The following RORB variants were observed in gnomAD, a reference collection of about 807,000 sequenced individuals.
RORB encodes the protein RAR related orphan receptor B.
RORB carries 6 observed loss-of-function variants against 59.1 expected under a neutral mutation model. The ratio of observed to expected loss-of-function variants is 0.10; its 90% CI spans 0.06 to 0.20. The LOEUF (loss-of-function observed/expected upper bound fraction) is 0.20. RORB is among the 10% of genes least tolerant of loss of function. The pLI is 1.00. For synonymous variants in RORB, 215 were observed against 204.5 expected, an observed-to-expected ratio of 1.05 and a Z score of -0.44; for missense variants, 320 against 560.5, an observed-to-expected ratio of 0.57 and a Z score of 4.33.
At chr9:74,649,041 G>A (rs1823949055) in intron 4 of RORB, among the ~76,000 whole-genome samples, 1 of 150,814 alleles carries the variant, frequency 6.6e-6, no homozygotes, top group African/African-American at 2.4e-5. Flanking sequence ...TTGGCTCACT[G>A]CAACCTCCAC....
chr9:74,521,275 T>C (rs1006224875), intron 1 of RORB, among the ~76,000 whole-genome samples: 3 of 151,888 alleles, frequency 2.0e-5, no homozygotes, highest in African/African-American at 7.2e-5. Context: ...CACATGTATA[T>C]TGAATCCCTT....
intron 1 of RORB, among the ~76,000 whole-genome samples, chr9:74,543,472 G>T (rs1027846986): frequency 2.6e-5 from 4 of 152,220 alleles, no homozygotes; most frequent in African/African-American, 9.6e-5. Context: ...ACAAAGATTT[G>T]TTGAGCCCAT....
chr9:74,565,579 T>A (rs759366029), intron 1 of RORB, among the ~76,000 whole-genome samples: 9 of 152,184 alleles, frequency 5.9e-5, no homozygotes, highest in Non-Finnish European at 1.2e-4. Context: ...GACCCCTAAG[T>A]AGTTAAATTT....
intron 8 of RORB, among the ~76,000 whole-genome samples, chr9:74,668,542 C>T (rs756360128): frequency 6.6e-6 from 1 of 152,154 alleles, no homozygotes; most frequent in East Asian, 1.9e-4. Context: ...CCGGAAGCCT[C>T]GCTGATCACA....
intron 1 of RORB, among the ~76,000 whole-genome samples, chr9:74,568,592 C>T (rs1000557040): frequency 1.3e-5 from 2 of 150,034 alleles, no homozygotes; most frequent in African/African-American, 4.9e-5. Flanking sequence ...CCCAGCTACT[C>T]GGGAGGCTGA....
intron 1 of RORB, among the ~76,000 whole-genome samples, chr9:74,622,519 A>ATTTTTTTTTTTT (rs33946613): frequency 1.3e-5 from 1 of 74,142 alleles, no homozygotes; most frequent in Non-Finnish European, 2.3e-5. Flanking sequence ...TACAACCCAG[A>ATTTTTTTTTTTT]TTTTTTTTTT....
chr9:74,556,722 C>G (rs934385671), intron 1 of RORB, among the ~76,000 whole-genome samples: 1 of 152,094 alleles, frequency 6.6e-6, no homozygotes, highest in Non-Finnish European at 1.5e-5. Flanking sequence ...AAAGTATTTA[C>G]CTATATGCTG....
chr9:74,656,221 G>T (rs1824077134), intron 4 of RORB, among the ~76,000 whole-genome samples: 1 of 152,024 alleles, frequency 6.6e-6, no homozygotes. Flanking sequence ...CGTTGGTTGA[G>T]CACCTACTAT....
At chr9:74,606,626 T>C (rs991861038) in intron 1 of RORB, among the ~76,000 whole-genome samples, 1 of 152,202 alleles carries the variant, frequency 6.6e-6, no homozygotes, top group Non-Finnish European at 1.5e-5. Context: ...AGTAATTTAC[T>C]ATAGTTGGTT....
At chr9:74,609,431 G>A (rs1292043260) in intron 1 of RORB, among the ~76,000 whole-genome samples, 10 of 152,098 alleles carry the variant, frequency 6.6e-5, no homozygotes, top group Admixed American at 6.6e-4. Context: ...TTAATGAATG[G>A]ACACAAAATT....
At chr9:74,610,502 T>C (rs1823218357) in intron 1 of RORB, among the ~76,000 whole-genome samples, 2 of 152,224 alleles carry the variant, frequency 1.3e-5, no homozygotes, top group South Asian at 2.1e-4. Context: ...AGGAATTATC[T>C]CACTTTAAAT....
intron 6 of RORB, 100 bp downstream of exon 6, chr9:74,662,706 C>G (rs772447135): frequency 1.6e-6 from 2 of 1,253,364 alleles, no homozygotes; most frequent in Admixed American, 1.8e-5. Context: ...ATATGCAGCT[C>G]GTTTCTACCA....
At chr9:74,679,295 G>A (rs1824502212) in intron 9 of RORB, among the ~76,000 whole-genome samples, 1 of 152,058 alleles carries the variant, frequency 6.6e-6, no homozygotes, top group Non-Finnish European at 1.5e-5. Flanking sequence ...CTTTTTAAAA[G>A]TATAACATAC....
chr9:74,627,881 A>G (rs1473116766), intron 1 of RORB, among the ~76,000 whole-genome samples: 2 of 152,184 alleles, frequency 1.3e-5, no homozygotes, highest in East Asian at 1.9e-4. Context: ...TAAAGGAATA[A>G]TAATGTGGCT....
intron 9 of RORB, among the ~76,000 whole-genome samples, chr9:74,674,222 G>C (rs1182317302): frequency 6.6e-6 from 1 of 152,092 alleles, no homozygotes; most frequent in East Asian, 1.9e-4. Flanking sequence ...TTGCAGAAAG[G>C]CTCCTTATGC....
intron 4 of RORB, among the ~76,000 whole-genome samples, chr9:74,652,935 A>G (rs1249236576): frequency 2.0e-5 from 3 of 152,230 alleles, no homozygotes; most frequent in African/African-American, 7.2e-5. Context: ...TTTAAGCTTA[A>G]ATATATCAAT....
chr9:74,504,620 GA>G (rs1001932970), intron 1 of RORB, among the ~76,000 whole-genome samples: 3 of 152,016 alleles, frequency 2.0e-5, no homozygotes, highest in African/African-American at 7.2e-5. Flanking sequence ...ATTTTTGTGT[GA>G]TTAGTTATGA....
rs371455319 is a variant in RORB at position 74,670,438 on chromosome 9, A to G, written c.1112-1351A>G. ...AATGATCTATGAAAATGATCACCTC[A>G]GAAGAAAAGCTAGCCTCTTCCTTCT... On this transcript the variant is annotated intron_variant, in intron 8 of 9. Coordinates refer to ENST00000376896, the MANE Select transcript of RORB (RefSeq NM_006914.4). Among the ~76,000 whole-genome samples the G allele has an allele frequency of 1.4e-4, 21 of 152,334 alleles. 1 individual carries two copies. The East Asian group carries it at 2.9e-3, about 21-fold the overall frequency.
At chr9:74,546,962 C>T (rs1216795229) in intron 1 of RORB, among the ~76,000 whole-genome samples, 8 of 151,992 alleles carry the variant, frequency 5.3e-5, no homozygotes, top group Non-Finnish European at 1.0e-4. Context: ...GGCATGGTGG[C>T]GCGTGCCTGT....
Sources: allele counts gnomAD v4.1 joint callset (sites outside exome capture counted in the v4.1 genomes callset), GRCh38; gene constraint gnomAD v4.1.1; transcripts MANE v1.5; gene names NCBI Gene and HGNC (gene_info 2026-07-23, HGNC 2026-07-21).